SH3GL3: variants seen among roughly 807,000 people sequenced by gnomAD.
The protein encoded by SH3GL3 is endophilin-A3.
In SH3GL3, 33 loss-of-function variants were observed where a neutral mutation model predicts 47.7. The observed-to-expected ratio is 0.69, with a 90% CI of 0.52 to 0.92. The LOEUF (loss-of-function observed/expected upper bound fraction) is 0.92. Ranked by LOEUF, SH3GL3 falls within the 40% of genes least tolerant of loss-of-function variation. The pLI, the probability that SH3GL3 is intolerant of heterozygous loss-of-function variation, is 0.00. For missense variants in SH3GL3, 363 were observed against 417.8 expected, an observed-to-expected ratio of 0.87 and a Z score of 1.14; for synonymous variants, 155 against 148.8, an observed-to-expected ratio of 1.04 and a Z score of -0.30.
chr15:83,597,899 C>T (rs1208653621), intron 8 of SH3GL3, among the ~76,000 whole-genome samples: 3 of 152,194 alleles, frequency 2.0e-5, no homozygotes, highest in Admixed American at 6.5e-5. Flanking sequence ...TGAGCCACCA[C>T]GCCTGGCCCT....
At chr15:83,472,293 A>AGTC (rs2040867090) in intron 1 of SH3GL3, among the ~76,000 whole-genome samples, 1 of 152,196 alleles carries the variant, frequency 6.6e-6, no homozygotes, top group Admixed American at 6.5e-5. Context: ...GTGCTTTACC[A>AGTC]GTCCTGCCTT....
intron 4 of SH3GL3, 35 bp downstream of exon 4, chr15:83,568,707 A>G (rs753535028): frequency 6.4e-7 from 1 of 1,562,748 alleles, no homozygotes; most frequent in Admixed American, 1.7e-5. Flanking sequence ...GGGAGCTGAG[A>G]ACTCCTCCAG....
intron 4 of SH3GL3, among the ~76,000 whole-genome samples, chr15:83,570,241 G>A (rs2045748542): frequency 6.6e-6 from 1 of 152,066 alleles, no homozygotes; most frequent in South Asian, 2.1e-4. Context: ...GCTTGTTTCA[G>A]TACTGTTGAA....
intron 1 of SH3GL3, among the ~76,000 whole-genome samples, chr15:83,488,707 G>A (rs2151574891): frequency 6.6e-6 from 1 of 152,344 alleles, no homozygotes; most frequent in East Asian, 1.9e-4. Context: ...ATGTGGCACA[G>A]TTGTCACCCC....
intron 1 of SH3GL3, among the ~76,000 whole-genome samples, chr15:83,468,187 A>G (rs961587038): frequency 2.0e-5 from 3 of 152,142 alleles, no homozygotes; most frequent in African/African-American, 4.8e-5. Flanking sequence ...ATGAAGATAT[A>G]ATTGTTTTTG....
chr15:83,523,992 T>C (rs1299261470), intron 1 of SH3GL3, among the ~76,000 whole-genome samples: 1 of 150,316 alleles, frequency 6.7e-6, no homozygotes, highest in Non-Finnish European at 1.5e-5. Flanking sequence ...CCAGAGGAAG[T>C]GAAGAAAGTT....
rs529784574 is a variant in SH3GL3, at chr15:83,545,569, A to G, written c.46-13684A>G. ...GTCTTGTTTTTTCTGGACGGTCTTG[A>G]TACTTGTGGATGTTCATTCATGTCT... On this transcript the variant is annotated intron_variant, in intron 1 of 8. Transcript: ENST00000427482. Among the ~76,000 whole-genome samples the G allele has an allele frequency of 1.8e-3, 275 of 152,146 alleles. 6 individuals carry two copies. In the South Asian group the frequency reaches 0.054, roughly 30 times the overall value.
intron 1 of SH3GL3, among the ~76,000 whole-genome samples, chr15:83,514,013 A>G (rs1019154583): frequency 6.6e-6 from 1 of 152,166 alleles, no homozygotes; most frequent in Admixed American, 6.6e-5. Flanking sequence ...TGTTCTTTCC[A>G]TCTGTGCTGT....
At chr15:83,622,878 C>T (rs1274871540), downstream of SH3GL3, among the ~76,000 whole-genome samples, 5 of 152,238 alleles carry the variant, frequency 3.3e-5, no homozygotes, top group East Asian at 9.6e-4. Flanking sequence ...GCCTCCTCTC[C>T]CTTCTGTTGG....
chr15:83,566,365 A>AGT (rs57323112), intron 3 of SH3GL3, among the ~76,000 whole-genome samples: 2,465 of 136,620 alleles, frequency 0.018, 41 homozygotes, highest in East Asian at 0.063. Flanking sequence ...AGAGAGAGAG[A>AGT]GTGTGTGTGT....
chr15:83,470,781 T>A (rs1280161159), intron 1 of SH3GL3, among the ~76,000 whole-genome samples: 4 of 152,172 alleles, frequency 2.6e-5, no homozygotes, highest in Non-Finnish European at 5.9e-5. Flanking sequence ...ATAGTGTTTT[T>A]GAGTACACCT....
chr15:83,525,296 A>G (rs751397702), intron 1 of SH3GL3, among the ~76,000 whole-genome samples: 1 of 151,360 alleles, frequency 6.6e-6, no homozygotes, highest in African/African-American at 2.4e-5. Flanking sequence ...CCACTTGTAT[A>G]TCTTCTTTTG....
chr15:83,566,269 C>T (rs185018730), intron 3 of SH3GL3, among the ~76,000 whole-genome samples: 1 of 152,104 alleles, frequency 6.6e-6, no homozygotes, highest in East Asian at 1.9e-4. Flanking sequence ...GCCCTAGCAA[C>T]CTCTTATCCA....
intron 1 of SH3GL3, among the ~76,000 whole-genome samples, chr15:83,476,062 A>G (rs2041080670): frequency 6.6e-6 from 1 of 152,248 alleles, no homozygotes; most frequent in East Asian, 1.9e-4. Context: ...GAAAGGTCTC[A>G]TTTAATCCTC....
At chr15:83,571,279 T>G (rs551223647) in intron 4 of SH3GL3, among the ~76,000 whole-genome samples, 21 of 152,310 alleles carry the variant, frequency 1.4e-4, no homozygotes, top group Admixed American at 2.6e-4. Flanking sequence ...TGAAAATGTT[T>G]CTGTCAAGGC....
At chr15:83,598,779 A>T (rs2060300347) in intron 8 of SH3GL3, among the ~76,000 whole-genome samples, 1 of 152,218 alleles carries the variant, frequency 6.6e-6, no homozygotes, top group African/African-American at 2.4e-5. Flanking sequence ...TTTAACAGAG[A>T]GGAGAGGCCT....
At position 83,505,056 on chromosome 15, in the gene SH3GL3, C is replaced by T. The variant is rs180902696; in HGVS notation, c.46-54197C>T. Among the ~76,000 whole-genome samples the T allele has an allele frequency of 4.6e-5, 7 of 152,180 alleles. No homozygotes were observed. In the South Asian group the frequency reaches 8.3e-4, roughly 18 times the overall value. On this transcript the variant is annotated intron_variant, in intron 1 of 8. Transcript: ENST00000427482. ...TATCCCTATAGTTGCATATAGCCAG[C>T]GCTCATTTTATTTGCAATCTAGAGA...
intron 1 of SH3GL3, among the ~76,000 whole-genome samples, chr15:83,457,158 A>G (rs1233552802): frequency 6.6e-6 from 1 of 152,214 alleles, no homozygotes; most frequent in Non-Finnish European, 1.5e-5. Flanking sequence ...AAGTACTAAT[A>G]GTCATATTCT....
At chr15:83,492,977 C>T (rs773771696) in intron 1 of SH3GL3, among the ~76,000 whole-genome samples, 1 of 152,240 alleles carries the variant, frequency 6.6e-6, no homozygotes, top group Non-Finnish European at 1.5e-5. Flanking sequence ...ATCCATGGAA[C>T]AAGTGAACCT....
Sources: gnomAD v4.1 joint callset for allele counts (sites outside exome capture counted in the v4.1 genomes callset) on GRCh38, gnomAD v4.1.1 for gene constraint, MANE v1.5 for transcripts, NCBI Gene and HGNC (gene_info 2026-07-23, HGNC 2026-07-21) for gene names.